The following DLC1 variants were observed in gnomAD, a reference collection of about 807,000 sequenced individuals.
The protein encoded by DLC1 is DLC1 Rho GTPase activating protein, also known as rho GTPase-activating protein 7.
In DLC1, 54 loss-of-function variants were observed where a neutral mutation model predicts 140.3. The ratio of observed to expected loss-of-function variants is 0.38; its 90% CI spans 0.31 to 0.48. DLC1 has a LOEUF of 0.48. Ranked by LOEUF, DLC1 falls within the 20% of genes least tolerant of loss-of-function variation. The pLI is 0.96. For missense variants in DLC1, 2,536 were observed against 1,907.0 expected (o/e 1.33, Z -6.14); for synonymous variants, 986 against 728.1 (o/e 1.35, Z -5.70).
chr8:13,455,330 A>G (rs986928372), intron 2 of DLC1, among the ~76,000 whole-genome samples: 6 of 152,120 alleles, frequency 3.9e-5, no homozygotes, highest in African/African-American at 1.2e-4. Context: ...CATGTGTTAG[A>G]TTGTACACTT....
At chr8:13,537,223 A>G (rs978257242) in intron 1 of DLC1, among the ~76,000 whole-genome samples, 1 of 152,174 alleles carries the variant, frequency 6.6e-6, no homozygotes, top group African/African-American at 2.4e-5. Context: ...AAAGAAGATA[A>G]AATCTCTGTG....
chr8:13,302,033 T>A (rs887675048), intron 5 of DLC1, among the ~76,000 whole-genome samples: 6 of 152,204 alleles, frequency 3.9e-5, no homozygotes, highest in African/African-American at 1.4e-4. Context: ...TTGGATACAA[T>A]TATACATATC....
intron 1 of DLC1, among the ~76,000 whole-genome samples, chr8:13,502,405 C>G (rs1311592712): frequency 1.3e-5 from 2 of 152,074 alleles, no homozygotes; most frequent in African/African-American, 4.8e-5. Flanking sequence ...ATCATTATTA[C>G]ATTTGGCATC....
At chr8:13,234,817 T>A (rs1359208684) in intron 5 of DLC1, among the ~76,000 whole-genome samples, 1 of 152,074 alleles carries the variant, frequency 6.6e-6, no homozygotes. Flanking sequence ...TGGTATGGGA[T>A]CTTGGCAAAG....
At chr8:13,274,833 C>T (rs548433797) in intron 5 of DLC1, among the ~76,000 whole-genome samples, 23 of 152,158 alleles carry the variant, frequency 1.5e-4, no homozygotes, top group East Asian at 3.9e-4. Flanking sequence ...TTTTCATTTG[C>T]GGCATTGTTT....
At chr8:13,461,219 G>A (rs1237872504) in intron 2 of DLC1, among the ~76,000 whole-genome samples, 1 of 152,216 alleles carries the variant, frequency 6.6e-6, no homozygotes, top group Non-Finnish European at 1.5e-5. Flanking sequence ...CAACAGCAAT[G>A]ACAGCAAAAT....
chr8:13,582,634 C>A (rs147255346), intron 1 of DLC1, among the ~76,000 whole-genome samples: 1 of 151,838 alleles, frequency 6.6e-6, no homozygotes, highest in Non-Finnish European at 1.5e-5. Flanking sequence ...AGCCTGCAAA[C>A]GGCCTATTGC....
intron 5 of DLC1, among the ~76,000 whole-genome samples, chr8:13,226,075 GCTA>G: frequency 6.6e-6 from 1 of 152,148 alleles, no homozygotes; most frequent in East Asian, 1.9e-4. Context: ...GCCACACTTG[GCTA>G]CTTTTTTTGA....
At chr8:13,465,718 A>T (rs1224936384) in intron 2 of DLC1, among the ~76,000 whole-genome samples, 1 of 152,054 alleles carries the variant, frequency 6.6e-6, no homozygotes, top group Non-Finnish European at 1.5e-5. Context: ...CTCTAAATAG[A>T]TTTTCTAAAT....
At chr8:13,439,489 T>G (rs1839264724) in intron 2 of DLC1, among the ~76,000 whole-genome samples, 1 of 152,156 alleles carries the variant, frequency 6.6e-6, no homozygotes, top group Non-Finnish European at 1.5e-5. Flanking sequence ...TCTTTTTTTT[T>G]TTAAATCCCT....
chr8:13,318,248 G>A (rs1832936649), intron 4 of DLC1, among the ~76,000 whole-genome samples: 1 of 149,960 alleles, frequency 6.7e-6, no homozygotes, highest in Admixed American at 6.6e-5. Context: ...TTTCCAGGCT[G>A]GTCTGAAACT....
chr8:13,496,908 C>T (rs1034027140), intron 2 of DLC1, among the ~76,000 whole-genome samples: 1 of 148,960 alleles, frequency 6.7e-6, no homozygotes, highest in Admixed American at 6.8e-5. Flanking sequence ...TCATGCCATT[C>T]TCCTGCCTCA....
chr8:13,268,953 C>A lies in DLC1; in HGVS notation c.1348+36316G>T, dbSNP rs368409926. On this transcript the variant is annotated intron_variant, in intron 5 of 17. Coordinates refer to ENST00000276297, the MANE Select transcript of DLC1 (RefSeq NM_182643.3). The stretch of plus-strand genomic sequence containing the variant: ...GCAGTGGCGTGATCTCGGCTCACTG[C>A]AAGCTCCGCCTCCCGGGTTCACGCC... 3.9e-3 allele frequency among the ~76,000 whole-genome samples: 589 copies of A among 149,398 alleles called. 5 individuals carry two copies. Among genetic ancestry groups the A allele is most frequent in the African/African-American group, 0.014 (547 of 40,452 alleles).
At chr8:13,111,513 CAG>C (rs765327502) in intron 6 of DLC1, among the ~76,000 whole-genome samples, 1 of 152,116 alleles carries the variant, frequency 6.6e-6, no homozygotes, top group Non-Finnish European at 1.5e-5. Flanking sequence ...GAAGCTGTAT[CAG>C]AACTGAAAAC....
intron 1 of DLC1, among the ~76,000 whole-genome samples, chr8:13,600,722 CT>C (rs35249264): frequency 9.3e-5 from 14 of 150,660 alleles, no homozygotes; most frequent in East Asian, 5.8e-4. Context: ...TAAAGTAAAT[CT>C]TTTTTTTTAG....
At chr8:13,435,674 A>G (rs1313203114) in intron 2 of DLC1, among the ~76,000 whole-genome samples, 1 of 152,232 alleles carries the variant, frequency 6.6e-6, no homozygotes, top group Non-Finnish European at 1.5e-5. Flanking sequence ...TCTACTCCTG[A>G]TGAAGATACT....
Position 13,433,131 on chromosome 8 carries a change from A to G in DLC1, c.1024-31512T>C, listed in dbSNP as rs114537258. The stretch of plus-strand genomic sequence containing the variant: ...ATGCAAAGTACAGGATGTGTTAGCT[A>G]TTGAAGAGAACAGGCATTCCTATTC... On this transcript the variant is annotated intron_variant, in intron 2 of 17. Coordinates refer to ENST00000276297, the MANE Select transcript of DLC1 (RefSeq NM_182643.3). 5.9e-3 allele frequency among the ~76,000 whole-genome samples: 892 copies of G among 152,216 alleles called. 12 individuals carry two copies. The highest frequency in any genetic ancestry group is 0.021 in the African/African-American group (854 of 41,538).
chr8:13,325,527 G>T (rs565631502), intron 4 of DLC1, among the ~76,000 whole-genome samples: 158 of 152,202 alleles, frequency 1.0e-3, no homozygotes, highest in African/African-American at 3.8e-3. Flanking sequence ...ATAAAAGCTG[G>T]TTGATGAGTG....
intron 2 of DLC1, among the ~76,000 whole-genome samples, chr8:13,449,766 A>T (rs148725799): frequency 0.012 from 1,797 of 152,218 alleles, 16 homozygotes; most frequent in Middle Eastern, 0.024. Flanking sequence ...ACATCTGTAC[A>T]TATGTAACTA....
Sources: allele counts gnomAD v4.1 joint callset (sites outside exome capture counted in the v4.1 genomes callset), GRCh38; gene constraint gnomAD v4.1.1; transcripts MANE v1.5; gene names NCBI Gene and HGNC (gene_info 2026-07-23, HGNC 2026-07-21).